The following MYPN variants were observed in gnomAD, a reference collection of about 807,000 sequenced individuals.
MYPN encodes myopalladin.
In MYPN, 63 loss-of-function variants were observed where a neutral mutation model predicts 129.4. The observed-to-expected ratio is 0.49, with a 90% CI of 0.40 to 0.60. The LOEUF is 0.60. MYPN is among the 20% of genes least tolerant of loss of function. The pLI is 0.00. For missense variants in MYPN, 1,596 were observed against 1,635.4 expected (o/e 0.98, Z 0.42); for synonymous variants, 629 against 600.9 (o/e 1.05, Z -0.68).
intron 7 of MYPN, among the ~76,000 whole-genome samples, chr10:68,159,278 A>G (rs1476360945): frequency 1.3e-5 from 2 of 152,178 alleles, no homozygotes; most frequent in Non-Finnish European, 2.9e-5. Flanking sequence ...TTGAACTGGG[A>G]CACACGTCGC....
At chr10:68,192,289 A>G (rs1257764556) in intron 13 of MYPN, among the ~76,000 whole-genome samples, 2 of 152,094 alleles carry the variant, frequency 1.3e-5, no homozygotes, top group Non-Finnish European at 2.9e-5. Flanking sequence ...TGTTTATGGG[A>G]TGTGTCATGT....
intron 13 of MYPN, among the ~76,000 whole-genome samples, chr10:68,191,541 A>G (rs771720671): frequency 1.4e-4 from 21 of 152,084 alleles, no homozygotes; most frequent in Non-Finnish European, 2.4e-4. Context: ...TCTGCAAAGG[A>G]TGTCATTGTT....
rs200390297 is a variant in MYPN, at chr10:68,199,524, G to C, written c.3442G>C (p.Ala1148Pro). 1 of 1,614,106 alleles carries C rather than the reference G, an allele frequency of 6.2e-7. No homozygotes were observed. The highest frequency in any genetic ancestry group is 8.5e-7 in the Non-Finnish European group (1 of 1,180,020). Residue 1148 changes from alanine (A) to proline (P), a missense_variant, in exon 17 of 20, where the codon GCT becomes CCT. Ala to Pro is a conservative substitution (Grantham distance 27). Coordinates refer to ENST00000358913, the MANE Select transcript of MYPN (RefSeq NM_032578.4). ...CGACGCAGGGACCTATAAGTGCATCGCTACCAACAAAACCGGGCAGAATTC... is the reference window on the plus strand; with the variant it reads ...CGACGCAGGGACCTATAAGTGCATCCCTACCAACAAAACCGGGCAGAATTC... ...QRDAGTYKCIATNKTGQNSFS... is the reference protein window; with the variant it reads ...QRDAGTYKCIPTNKTGQNSFS...
Position 68,145,085 on chromosome 10 carries a change from C to T in MYPN, c.1079-390C>T, listed in dbSNP as rs539777134. On this transcript the variant is annotated intron_variant, in intron 3 of 19. Transcript: ENST00000358913. The stretch of plus-strand genomic sequence containing the variant: ...TGTTGCCCAGGCTGGAGTGCAATGG[C>T]GTGATCTCGGCTCACAGCAACCTCC... Among the ~76,000 whole-genome samples, 23 of 150,782 alleles carry T rather than the reference C, an allele frequency of 1.5e-4. No homozygotes were observed. In the South Asian group the frequency reaches 4.2e-3, roughly 27 times the overall value.
At chr10:68,156,598 T>A (rs951765413) in intron 6 of MYPN, among the ~76,000 whole-genome samples, 9 of 152,258 alleles carry the variant, frequency 5.9e-5, no homozygotes, top group Admixed American at 5.9e-4. Context: ...ATGCATAACA[T>A]CCCTGAGGTG....
chr10:68,131,656 G>C (rs2042413326), intron 2 of MYPN, among the ~76,000 whole-genome samples: 1 of 152,132 alleles, frequency 6.6e-6, no homozygotes, highest in Non-Finnish European at 1.5e-5. Flanking sequence ...AGGGACTACA[G>C]GTGTAAGCCA....
chr10:68,205,794 G>T (rs953186745), intron 18 of MYPN, among the ~76,000 whole-genome samples: 1 of 152,166 alleles, frequency 6.6e-6, no homozygotes, highest in Admixed American at 6.5e-5. Flanking sequence ...GTTTACTAAA[G>T]AAATATATCA....
At chr10:68,159,099 C>CT (rs2042931799) in intron 7 of MYPN, among the ~76,000 whole-genome samples, 1 of 152,064 alleles carries the variant, frequency 6.6e-6, no homozygotes, top group Non-Finnish European at 1.5e-5. Flanking sequence ...ATAAATTTAC[C>CT]TTTTTTAAGG....
chr10:68,157,583 C>T (rs758881936), intron 6 of MYPN, among the ~76,000 whole-genome samples: 2 of 149,878 alleles, frequency 1.3e-5, no homozygotes, highest in African/African-American at 2.5e-5. Context: ...CCTGTAATCC[C>T]AGCACTTTGG....
intron 18 of MYPN, among the ~76,000 whole-genome samples, chr10:68,204,388 A>G (rs1321345528): frequency 6.6e-6 from 1 of 152,208 alleles, no homozygotes; most frequent in East Asian, 1.9e-4. Context: ...CTCAAGCCCT[A>G]TTCAATACCC....
At chr10:68,164,397 C>T (rs1017880894) in intron 8 of MYPN, among the ~76,000 whole-genome samples, 1 of 152,196 alleles carries the variant, frequency 6.6e-6, no homozygotes, top group South Asian at 2.1e-4. Flanking sequence ...CTAAACACCT[C>T]CCTTTAGGCT....
At chr10:68,116,661 G>A (rs992768098) in intron 1 of MYPN, among the ~76,000 whole-genome samples, 11 of 151,718 alleles carry the variant, frequency 7.3e-5, no homozygotes, top group Admixed American at 1.3e-4. Flanking sequence ...GCTTGAACAC[G>A]GGAGACAGAG....
At chr10:68,151,143 G>C (rs937829230) in intron 6 of MYPN, among the ~76,000 whole-genome samples, 2 of 152,036 alleles carry the variant, frequency 1.3e-5, no homozygotes, top group African/African-American at 4.8e-5. Context: ...CCTGGTTTGA[G>C]CAAAATGGAA....
intron 10 of MYPN, among the ~76,000 whole-genome samples, chr10:68,173,792 G>T (rs2043179654): frequency 6.6e-6 from 1 of 151,030 alleles, no homozygotes; most frequent in Non-Finnish European, 1.5e-5. Context: ...GGGGCTACAG[G>T]CGTGCACCAC....
At chr10:68,191,638 T>A (rs2043515441) in intron 13 of MYPN, among the ~76,000 whole-genome samples, 1 of 152,232 alleles carries the variant, frequency 6.6e-6, no homozygotes, top group Admixed American at 6.5e-5. Context: ...TTCGTGAACG[T>A]GGGATATCTT....
chr10:68,122,899 T>C (rs1589530140), intron 2 of MYPN, among the ~76,000 whole-genome samples: 1 of 151,838 alleles, frequency 6.6e-6, no homozygotes, highest in East Asian at 1.9e-4. Context: ...CGAAACTCAG[T>C]CTCAAAAATA....
rs1345230190 is a variant in MYPN at position 68,211,900 on chromosome 10, ACACT to A, written c.*1448_*1451del. On this transcript the variant is annotated 3_prime_UTR_variant, in exon 20 of 20. Coordinates refer to ENST00000358913, the MANE Select transcript of MYPN (RefSeq NM_032578.4). ...ATCCCTGGTGCTGTCTGTGCCAAGC[ACACT>A]CAGCTGGCATTGTATTTGTGTGAAC... 2.3e-6 allele frequency: 1 copy of A among 438,906 alleles called. No homozygotes were observed. Among genetic ancestry groups the A allele is most frequent in the Non-Finnish European group, 4.6e-6 (1 of 218,006 alleles). The allele number at this position is 438,906 out of a possible 1,614,324, so 27.2% of individuals were successfully genotyped here. A position where few individuals can be genotyped will look rare whatever the true frequency, so the allele number is the denominator to read the frequency against.
At chr10:68,202,386 T>C (rs777078337) in intron 18 of MYPN, among the ~76,000 whole-genome samples, 24 of 151,940 alleles carry the variant, frequency 1.6e-4, no homozygotes, top group Non-Finnish European at 3.1e-4. Context: ...TGAGCTGAGA[T>C]TGCGCCACGG....
intron 3 of MYPN, 142 bp downstream of exon 3, chr10:68,143,257 CT>C: frequency 1.4e-6 from 1 of 730,790 alleles, no homozygotes; most frequent in East Asian, 2.7e-5. Context: ...AACAAAAATA[CT>C]TAGGCTCATT....
Sources: allele counts gnomAD v4.1 joint callset (sites outside exome capture counted in the v4.1 genomes callset), GRCh38; gene constraint gnomAD v4.1.1; transcripts MANE v1.5; gene names NCBI Gene and HGNC (gene_info 2026-07-23, HGNC 2026-07-21).